LRMDA: variants seen among roughly 807,000 people sequenced by gnomAD.
LRMDA encodes leucine rich melanocyte differentiation associated.
In LRMDA, 18 loss-of-function variants were observed where a neutral mutation model predicts 29.8. The observed-to-expected ratio is 0.60, with a 90% confidence interval of 0.42 to 0.90. LRMDA has a LOEUF of 0.90. Ranked by LOEUF, LRMDA falls within the 40% of genes least tolerant of loss-of-function variation. The pLI, the probability that LRMDA is intolerant of heterozygous loss-of-function variation, is 0.00. For synonymous variants in LRMDA, 125 were observed against 109.4 expected, an observed-to-expected ratio of 1.14 and a Z score of -0.89; for missense variants, 273 against 273.9, an observed-to-expected ratio of 1.00 and a Z score of 0.02.
chr10:75,476,881 G>A (rs982619678), intron 2 of LRMDA, among the ~76,000 whole-genome samples: 1 of 152,126 alleles, frequency 6.6e-6, no homozygotes, highest in Non-Finnish European at 1.5e-5. Context: ...TTCTTCTGAG[G>A]CCTCTCTCCT....
At chr10:76,079,468 G>C (rs1220222151) in intron 5 of LRMDA, among the ~76,000 whole-genome samples, 1 of 152,132 alleles carries the variant, frequency 6.6e-6, no homozygotes, top group African/African-American at 2.4e-5. Flanking sequence ...GGTCTCTTCA[G>C]ATGTATGGAA....
chr10:75,458,535 A>C (rs1844547297), intron 2 of LRMDA, among the ~76,000 whole-genome samples: 1 of 152,244 alleles, frequency 6.6e-6, no homozygotes, highest in Non-Finnish European at 1.5e-5. Flanking sequence ...ATAGAATACT[A>C]AATAAGGTAT....
At chr10:75,655,111 T>G (rs1841651378) in intron 2 of LRMDA, among the ~76,000 whole-genome samples, 1 of 152,238 alleles carries the variant, frequency 6.6e-6, no homozygotes, top group East Asian at 1.9e-4. Context: ...ATAATCCATT[T>G]TTACTTTGAG....
At position 76,520,368 on chromosome 10, in the gene LRMDA, C is replaced by G. The variant is rs147032137; in HGVS notation, c.602-36841C>G. Among the ~76,000 whole-genome samples the G allele has an allele frequency of 2.1e-3, 319 of 151,104 alleles. 2 individuals are homozygous for G. Among genetic ancestry groups the G allele is most frequent in the African/African-American group, 7.3e-3 (303 of 41,228 alleles). The stretch of plus-strand genomic sequence containing the variant: ...TGATTATTCTTTTTTCTTTTTTGCT[C>G]CTTTTTATTGGATACTGTTTTAAAA... On this transcript the variant is annotated intron_variant, in intron 6 of 6. Transcript: ENST00000611255.
intron 5 of LRMDA, among the ~76,000 whole-genome samples, chr10:76,228,975 G>T (rs1852010925): frequency 6.6e-6 from 1 of 152,200 alleles, no homozygotes. Flanking sequence ...TGTGGGGAAG[G>T]TTAGCTTAGC....
chr10:75,644,651 A>C (rs565036582), intron 2 of LRMDA, among the ~76,000 whole-genome samples: 1 of 152,224 alleles, frequency 6.6e-6, no homozygotes, highest in East Asian at 1.9e-4. Flanking sequence ...CAGATGTGTC[A>C]CACTGGACCC....
chr10:75,959,288 G>A (rs1048645590), intron 2 of LRMDA, among the ~76,000 whole-genome samples: 1 of 152,170 alleles, frequency 6.6e-6, no homozygotes, highest in Non-Finnish European at 1.5e-5. Context: ...ACATTGCCAA[G>A]TGTGGGAGAG....
chr10:75,961,852 G>A (rs1043755620), intron 2 of LRMDA, among the ~76,000 whole-genome samples: 3 of 152,130 alleles, frequency 2.0e-5, no homozygotes, highest in South Asian at 2.1e-4. Context: ...GATGTCAGTC[G>A]GGTTACTTCC....
chr10:75,707,661 T>C (rs1842386234), intron 2 of LRMDA, among the ~76,000 whole-genome samples: 2 of 152,168 alleles, frequency 1.3e-5, no homozygotes, highest in African/African-American at 4.8e-5. Flanking sequence ...ATGGGGAGGA[T>C]GGTTTTCTAC....
At chr10:76,454,574 T>G (rs1842438322) in intron 6 of LRMDA, among the ~76,000 whole-genome samples, 1 of 152,066 alleles carries the variant, frequency 6.6e-6, no homozygotes, top group Non-Finnish European at 1.5e-5. Flanking sequence ...TGGAGGTGAT[T>G]TGGGTCTGCA....
At chr10:75,670,713 T>A (rs1841880955) in intron 2 of LRMDA, among the ~76,000 whole-genome samples, 1 of 152,166 alleles carries the variant, frequency 6.6e-6, no homozygotes, top group African/African-American at 2.4e-5. Context: ...GTATTGTTTA[T>A]GAAAAGTTTT....
chr10:75,932,037 G>A (rs1461961633), intron 2 of LRMDA, among the ~76,000 whole-genome samples: 4 of 152,190 alleles, frequency 2.6e-5, no homozygotes, highest in Middle Eastern at 3.2e-3. Flanking sequence ...TGTGAGAAAA[G>A]ACAAATTGCA....
chr10:76,230,445 A>T (rs561041686), intron 5 of LRMDA, among the ~76,000 whole-genome samples: 236 of 152,186 alleles, frequency 1.6e-3, no homozygotes, highest in African/African-American at 5.5e-3. Flanking sequence ...AACACTATTA[A>T]TTAGATGAGA....
intron 2 of LRMDA, among the ~76,000 whole-genome samples, chr10:75,928,993 T>C (rs1846165161): frequency 6.6e-6 from 1 of 152,198 alleles, no homozygotes; most frequent in Non-Finnish European, 1.5e-5. Context: ...ACATAGGTTG[T>C]CAAACCACCA....
At chr10:75,458,673 C>G (rs981677766) in intron 2 of LRMDA, among the ~76,000 whole-genome samples, 1 of 151,968 alleles carries the variant, frequency 6.6e-6, no homozygotes, top group African/African-American at 2.4e-5. Context: ...ATCACCTAAC[C>G]CTCTACAGCA....
At chr10:75,720,373 G>A (rs1462174460) in intron 2 of LRMDA, among the ~76,000 whole-genome samples, 6 of 152,078 alleles carry the variant, frequency 3.9e-5, no homozygotes, top group Admixed American at 2.0e-4. Context: ...ACAACATATC[G>A]TGATTCTTCC....
chr10:76,365,071 T>TATATACACAC (rs1256120614), intron 6 of LRMDA, among the ~76,000 whole-genome samples: 3 of 91,512 alleles, frequency 3.3e-5, no homozygotes, highest in African/African-American at 1.3e-4. Flanking sequence ...CGTATATATA[T>TATATACACAC]ACACACACAC....
chr10:75,762,353 GT>G (rs1206455984), intron 2 of LRMDA, among the ~76,000 whole-genome samples: 1 of 152,182 alleles, frequency 6.6e-6, no homozygotes, highest in Admixed American at 6.5e-5. Context: ...AACATTATGA[GT>G]TTTTTCTGTG....
intron 6 of LRMDA, among the ~76,000 whole-genome samples, chr10:76,466,166 G>C (rs923468014): frequency 1.3e-5 from 2 of 152,172 alleles, no homozygotes; most frequent in African/African-American, 4.8e-5. Flanking sequence ...CTTAGGACTA[G>C]AGGAATAAAA....
Sources: gnomAD v4.1 joint callset for allele counts (sites outside exome capture counted in the v4.1 genomes callset) on GRCh38, gnomAD v4.1.1 for gene constraint, MANE v1.5 for transcripts, NCBI Gene and HGNC (gene_info 2026-07-23, HGNC 2026-07-21) for gene names.